The following HELZ2 variants were observed in gnomAD, a reference collection of about 807,000 sequenced individuals.
HELZ2 encodes helicase with zinc finger 2.
A neutral mutation model predicts 208.8 loss-of-function variants in HELZ2; 143 were observed. The ratio of observed to expected loss-of-function variants is 0.68; its 90% CI spans 0.60 to 0.79. HELZ2 has a LOEUF of 0.79. Among genes scored for constraint, HELZ2 ranks in the 30% least tolerant of loss-of-function variants. HELZ2 has a pLI of 0.00. For synonymous variants in HELZ2, 1,705 were observed against 1,693.7 expected (o/e 1.01, Z -0.16); for missense variants, 3,690 against 3,794.5 (o/e 0.97, Z 0.72).
chr20:63,566,650 C>T (rs6090456), intron 6 of HELZ2, among the ~76,000 whole-genome samples, 194 bp downstream of exon 7: 1 of 116,626 alleles, frequency 8.6e-6, no homozygotes, highest in Non-Finnish European at 1.6e-5. Context: ...GGGCCACCCC[C>T]GACAAGGAGA....
intron 3 of HELZ2, chr20:63,570,267 T>G: frequency 1.5e-6 from 1 of 662,206 alleles, no homozygotes; most frequent in South Asian, 1.5e-5. Flanking sequence ...GCCAAATCCT[T>G]GTTTTAACCC....
At chr20:63,569,496 C>T in exon 4 of HELZ2, 1 of 1,611,448 alleles carries the variant, frequency 6.2e-7, no homozygotes, top group Non-Finnish European at 8.5e-7. Flanking sequence ...CTCAAAGGTG[C>T]CGAACGAGGC....
chr20:63,567,371 G>A, exon 6 of HELZ2: 3 of 1,600,178 alleles, frequency 1.9e-6, no homozygotes, highest in Non-Finnish European at 2.6e-6. Flanking sequence ...ATGAGAATGT[G>A]GGAGAAGAAG....
At position 63,561,293 on chromosome 20, in the gene HELZ2, G is replaced by C; in HGVS notation, c.6954-19C>G. ...CTTGTACCTGCCGGGGACACTGCTT[G>C]TCACCCCAGGGCCCCCATGCTGCAG... is the stretch of plus-strand genomic sequence containing the variant. On this transcript the variant is annotated intron_variant, in intron 13 of 18. Coordinates refer to ENST00000467148, the Ensembl canonical transcript of HELZ2. 6.2e-7 allele frequency: 1 copy of C among 1,612,412 alleles called. No homozygotes were observed. Among genetic ancestry groups the C allele is most frequent in the Non-Finnish European group, 8.5e-7 (1 of 1,179,640 alleles).
rs774714643 is a variant in HELZ2 at position 63,569,103 on chromosome 20, C to T, written c.1088+45G>A. The T allele has an allele frequency of 1.0e-5, 16 of 1,581,242 alleles. No homozygotes were observed. In the African/African-American group the frequency reaches 2.2e-4, roughly 22 times the overall value. ...GTTGCCCCAGCCGCTCCCATTGCCC[C>T]AGCTGCTCCTGCTACCCCAGCTGCT... On this transcript the variant is annotated intron_variant, in intron 4 of 18. Transcript: ENST00000467148.
rs747670456 is a variant in HELZ2, at chr20:63,565,222, G to T, written c.3600C>A (p.His1200Gln). The T allele has an allele frequency of 3.1e-6, 5 of 1,608,118 alleles. No individual in the cohort carries two copies. The highest frequency in any genetic ancestry group is 2.7e-5 in the African/African-American group (2 of 74,862). Residue 1200 changes from histidine (H) to glutamine (Q), a missense_variant, in exon 8 of 19, where the codon CAC becomes CAA. By Grantham distance (24) the His-to-Gln change is conservative. This residue lies in a region of HELZ2 where 2,564 missense variants were observed against 2,580.5 expected (regional missense o/e 0.99). Coordinates refer to ENST00000467148, the Ensembl canonical transcript of HELZ2. The stretch of plus-strand genomic sequence containing the variant: ...CCATGCGGCACACAAACGCCAGCTC[G>T]TGCCTCTTCCTCTTCAGCACGCCCA...
chr20:63,567,542 T>C, exon 6 of HELZ2: 1 of 1,574,388 alleles, frequency 6.4e-7, no homozygotes, highest in Non-Finnish European at 8.6e-7. Context: ...GGCCGGTCCG[T>C]GTACATCACA....
At position 63,566,473 on chromosome 20, in the gene HELZ2, G is replaced by C. The variant is rs368822387; in HGVS notation, c.2515-20C>G. The C allele has an allele frequency of 1.0e-4, 161 of 1,545,900 alleles. No homozygotes were observed. The African/African-American group carries it at 2.0e-3, about 19-fold the overall frequency. ...ACTGACCTGAAGACGCAGCAGGGCCGGGGATGAGTGCTGGACGCAGTGAGG... is the reference window on the plus strand; with the variant it reads ...ACTGACCTGAAGACGCAGCAGGGCCCGGGATGAGTGCTGGACGCAGTGAGG... On this transcript the variant is annotated intron_variant, in intron 6 of 18. Transcript: ENST00000467148.
intron 1 of HELZ2, 91 bp downstream of exon 2, chr20:63,572,017 C>T (rs1292084221): frequency 2.8e-6 from 4 of 1,426,100 alleles, no homozygotes; most frequent in Non-Finnish European, 3.8e-6. Flanking sequence ...CTGTGGTGGG[C>T]TCCTGCCCCA....
exon 4 of HELZ2, chr20:63,569,230 G>C (rs760433247): frequency 6.4e-7 from 1 of 1,562,778 alleles, no homozygotes; most frequent in Middle Eastern, 1.7e-4. Context: ...GGTGAGATGG[G>C]GCCCGAGGCC....
chr20:63,565,605 C>T (rs375566295), exon 8 of HELZ2: 15 of 1,609,942 alleles, frequency 9.3e-6, no homozygotes, highest in African/African-American at 6.7e-5. Flanking sequence ...CGTAGGATGG[C>T]GTCGTCAGCG....
In HELZ2 at chr20:63,560,347, G is replaced by A; in HGVS notation, c.7501-20C>T. On this transcript the variant is annotated intron_variant, in intron 16 of 18. Coordinates refer to ENST00000467148, the Ensembl canonical transcript of HELZ2. The stretch of plus-strand genomic sequence containing the variant: ...ACGGACCTGAGGAGCCGAGGGGGCA[G>A]GTGGAGCGGACCCTGGTGTCTCTCC... 6.4e-7 allele frequency: 1 copy of A among 1,554,278 alleles called. No homozygotes were observed. Among genetic ancestry groups the A allele is most frequent in the Non-Finnish European group, 8.7e-7 (1 of 1,154,914 alleles).
chr20:63,559,534 TGGG>T (rs1418567596), intron 18 of HELZ2, among the ~76,000 whole-genome samples, 164 bp from the exon 20 acceptor site: 1 of 35,314 alleles, frequency 2.8e-5, no homozygotes, highest in Non-Finnish European at 5.5e-5. Flanking sequence ...CAGAGTCAGG[TGGG>T]AGGAGTCAGG....
intron 14 of HELZ2, 63 bp downstream of exon 15, chr20:63,561,019 C>A: frequency 6.3e-7 from 1 of 1,596,336 alleles, no homozygotes; most frequent in South Asian, 1.1e-5. Flanking sequence ...ACACAGGGCA[C>A]CCCAGGTGGG....
intron 4 of HELZ2, 59 bp downstream of exon 5, chr20:63,569,089 C>T (rs367603923): frequency 4.0e-5 from 64 of 1,584,270 alleles, no homozygotes; most frequent in South Asian, 3.9e-4. Flanking sequence ...TTGCCCCAGC[C>T]GCTCCCATTG....
intron 6 of HELZ2, among the ~76,000 whole-genome samples, 165 bp downstream of exon 7, chr20:63,566,679 C>CGGGGATGAGCGCAGGACG (rs1600979046): frequency 6.6e-6 from 1 of 151,596 alleles, no homozygotes; most frequent in African/African-American, 2.4e-5. Context: ...CCACCAAGCT[C>CGGGGATGAGCGCAGGACG]CAGACACCTC....
downstream of HELZ2, chr20:63,558,941 C>T: frequency 3.5e-6 from 1 of 287,014 alleles, no homozygotes; most frequent in Non-Finnish European, 6.6e-6. Flanking sequence ...GCAGCCTCCA[C>T]AGGGTTTCCT....
chr20:63,569,072 G>A lies in HELZ2; in HGVS notation c.1089-73C>T, dbSNP rs1019596843. On this transcript the variant is annotated intron_variant, in intron 4 of 18. Transcript: ENST00000467148. The stretch of plus-strand genomic sequence containing the variant: ...CGCTGCCAAGTCCACGCCCCCATCC[G>A]CTCCCGTTGCCCCAGCCGCTCCCAT... 2.1e-5 allele frequency: 34 copies of A among 1,586,846 alleles called. No homozygotes were observed. The Middle Eastern group carries it at 2.2e-3, about 102-fold the overall frequency.
chr20:63,563,742 C>A, exon 8 of HELZ2: 1 of 1,599,964 alleles, frequency 6.3e-7, no homozygotes, highest in Non-Finnish European at 8.5e-7. Flanking sequence ...GCAGAGCCCC[C>A]ATGGCCCAGC....
Sources: gnomAD v4.1 joint callset for allele counts (sites outside exome capture counted in the v4.1 genomes callset) on GRCh38, gnomAD v4.1.1 for gene constraint, gnomAD v4.1.1 regional missense constraint, MANE v1.5 for transcripts, NCBI Gene and HGNC (gene_info 2026-07-23, HGNC 2026-07-21) for gene names.